The following SWAP70 variants were observed in gnomAD, a reference collection of about 807,000 sequenced individuals.
SWAP70 encodes switching B cell complex subunit SWAP70, also known as switch-associated protein 70.
In SWAP70, 34 loss-of-function variants were observed where a neutral mutation model predicts 80.2. That is an observed-to-expected ratio of 0.42 (90% CI 0.32 to 0.56). The LOEUF (loss-of-function observed/expected upper bound fraction) is 0.56, where lower values mean the gene tolerates loss of function less well. Among genes scored for constraint, SWAP70 ranks in the 20% least tolerant of loss-of-function variants. SWAP70 has a pLI of 0.09. For missense variants in SWAP70, 578 were observed against 690.7 expected (o/e 0.84, Z 1.83); for synonymous variants, 239 against 238.5 (o/e 1.00, Z -0.02).
At chr11:9,719,073 G>C (rs1218806893) in intron 3 of SWAP70, among the ~76,000 whole-genome samples, 3 of 140,076 alleles carry the variant, frequency 2.1e-5, no homozygotes, top group Non-Finnish European at 4.5e-5. Flanking sequence ...CAGCCTGGGG[G>C]ACAGAGCGAG....
intron 2 of SWAP70, among the ~76,000 whole-genome samples, chr11:9,704,598 G>T (rs1034688848): frequency 3.3e-5 from 5 of 151,980 alleles, no homozygotes; most frequent in Non-Finnish European, 7.4e-5. Flanking sequence ...TCACCATGTT[G>T]GTCAGGCTGG....
At chr11:9,707,007 A>T (rs1403332746) in intron 2 of SWAP70, among the ~76,000 whole-genome samples, 2 of 152,148 alleles carry the variant, frequency 1.3e-5, no homozygotes, top group African/African-American at 4.8e-5. Context: ...AGAACCTTGA[A>T]AACCATTCGG....
intron 1 of SWAP70, among the ~76,000 whole-genome samples, chr11:9,671,606 ATAGAAATATATTTC>A (rs1850397271): frequency 9.8e-5 from 5 of 50,784 alleles, no homozygotes; most frequent in Non-Finnish European, 2.5e-4. Context: ...ATATATTTAT[ATAGAAATATATTTC>A]TATATAAATA....
intron 2 of SWAP70, among the ~76,000 whole-genome samples, chr11:9,705,358 G>A (rs1300163787): frequency 6.9e-6 from 1 of 144,734 alleles, no homozygotes; most frequent in Non-Finnish European, 1.5e-5. Flanking sequence ...CTGGTGATCT[G>A]TGTATACTTG....
intron 1 of SWAP70, among the ~76,000 whole-genome samples, chr11:9,675,049 G>A (rs755150423): frequency 4.6e-5 from 7 of 151,810 alleles, no homozygotes; most frequent in Non-Finnish European, 7.4e-5. Context: ...TGTAATACTA[G>A]CACTTTTGGA....
intron 1 of SWAP70, among the ~76,000 whole-genome samples, chr11:9,674,908 G>T (rs919404265): frequency 1.3e-5 from 2 of 151,806 alleles, no homozygotes; most frequent in East Asian, 1.9e-4. Context: ...GGCAGAGCTT[G>T]CAGTGAGCGG....
At chr11:9,718,635 A>G (rs1460484737) in intron 3 of SWAP70, among the ~76,000 whole-genome samples, 1 of 152,008 alleles carries the variant, frequency 6.6e-6, no homozygotes, top group African/African-American at 2.4e-5. Flanking sequence ...TTTGAAGTAT[A>G]ATGTCATAAT....
At chr11:9,737,492 C>T (rs1191603732) in intron 7 of SWAP70, among the ~76,000 whole-genome samples, 1 of 152,116 alleles carries the variant, frequency 6.6e-6, no homozygotes, top group Non-Finnish European at 1.5e-5. Flanking sequence ...GGGAAAGGGT[C>T]TGTGGAGCTC....
At chr11:9,740,555 T>A in intron 9 of SWAP70, 1 of 591,506 alleles carries the variant, frequency 1.7e-6, no homozygotes. Context: ...AAACCCTTGC[T>A]TCTGGGGCTA....
At chr11:9,680,213 C>A (rs1403755148) in intron 1 of SWAP70, among the ~76,000 whole-genome samples, 1 of 152,094 alleles carries the variant, frequency 6.6e-6, no homozygotes, top group South Asian at 2.1e-4. Flanking sequence ...CATGAAATGA[C>A]CACAATGACG....
chr11:9,714,846 C>T (rs1413162478), intron 3 of SWAP70, among the ~76,000 whole-genome samples: 2 of 141,458 alleles, frequency 1.4e-5, no homozygotes, highest in Non-Finnish European at 3.0e-5. Flanking sequence ...GAGTTTCGCT[C>T]TTATTGCCCA....
chr11:9,671,289 A>T (rs1402915913), intron 1 of SWAP70, among the ~76,000 whole-genome samples: 2 of 104,786 alleles, frequency 1.9e-5, no homozygotes, highest in African/African-American at 8.1e-5. Context: ...ATAAATATAA[A>T]AATATATAAA....
chr11:9,706,873 A>G (rs1320056744), intron 2 of SWAP70, among the ~76,000 whole-genome samples: 1 of 152,070 alleles, frequency 6.6e-6, no homozygotes, highest in African/African-American at 2.4e-5. Context: ...ATATAATTTA[A>G]TAATAAATAC....
intron 2 of SWAP70, among the ~76,000 whole-genome samples, chr11:9,695,807 G>GT (rs1455732913): frequency 1.3e-5 from 2 of 151,596 alleles, no homozygotes; most frequent in Admixed American, 6.6e-5. Context: ...GGCAATAGTT[G>GT]TTTTTTTTGA....
chr11:9,744,127 T>C (rs1851479742), intron 9 of SWAP70, among the ~76,000 whole-genome samples: 1 of 152,120 alleles, frequency 6.6e-6, no homozygotes, highest in Non-Finnish European at 1.5e-5. Flanking sequence ...CACGCCCAGC[T>C]AATTTTTTGT....
intron 5 of SWAP70, 145 bp downstream of exon 5, chr11:9,728,344 C>T (rs1851253307): frequency 2.1e-6 from 2 of 967,908 alleles, no homozygotes; most frequent in Admixed American, 5.9e-5. Flanking sequence ...CATGCAGTTG[C>T]CATGGTTTCT....
intron 6 of SWAP70, 115 bp from the exon 7 acceptor site, chr11:9,732,414 A>G: frequency 9.4e-7 from 1 of 1,068,970 alleles, no homozygotes; most frequent in Non-Finnish European, 1.4e-6. Context: ...CAGAATCTAC[A>G]CTGGGCCTTC....
At position 9,749,092 on chromosome 11, in the gene SWAP70, TAAA is replaced by T; in HGVS notation, c.1563_1565del (p.Lys523del). Reference sequence around the variant, plus strand: ...AAAATCCACTTTTGTTTCAGGAAGTTAAAAAGAAGCTGGAGATGGCAACTAATA... The same window carrying T: ...AAAATCCACTTTTGTTTCAGGAAGTTAAGAAGCTGGAGATGGCAACTAATA... On this transcript the variant is annotated inframe_deletion, in exon 11 of 12. Coordinates refer to ENST00000318950, the MANE Select transcript of SWAP70 (RefSeq NM_015055.4). 1 of 1,611,314 alleles carries T rather than the reference TAAA, an allele frequency of 6.2e-7. No homozygotes were observed. The highest frequency in any genetic ancestry group is 8.5e-7 in the Non-Finnish European group (1 of 1,178,596).
At chr11:9,675,346 CGAGAGA>C (rs1184480305) in intron 1 of SWAP70, among the ~76,000 whole-genome samples, 5 of 8,414 alleles carry the variant, frequency 5.9e-4, no homozygotes, top group Admixed American at 4.8e-3. Context: ...AGAGAGGGAG[CGAGAGA>C]GAGAGAGAGA....
Sources: gnomAD v4.1 joint callset for allele counts (sites outside exome capture counted in the v4.1 genomes callset) on GRCh38, gnomAD v4.1.1 for gene constraint, MANE v1.5 for transcripts, NCBI Gene and HGNC (gene_info 2026-07-23, HGNC 2026-07-21) for gene names.